Variants in OR2L13 observed in about 807,000 individuals in gnomAD.
OR2L13 encodes olfactory receptor family 2 subfamily L member 13.
Under a neutral mutation model 15.3 loss-of-function variants are expected in OR2L13, and 14 were observed. That is an observed-to-expected ratio of 0.91 (90% CI 0.60 to 1.43). The LOEUF is 1.43. OR2L13 is among the 40% of genes most tolerant of loss of function. The pLI is 0.00. For synonymous variants in OR2L13, 152 were observed against 142.9 expected (o/e 1.06, Z -0.45); for missense variants, 367 against 387.9 (o/e 0.95, Z 0.45).
At chr1:247,992,885 G>A in the OR2L13 span, among the ~76,000 whole-genome samples, 1 of 149,952 alleles carries the variant, frequency 6.7e-6, no homozygotes, top group Non-Finnish European at 1.5e-5. Context: ...GTGTGTGTGT[G>A]TATACAGAGC....
chr1:248,084,703 A>G, the OR2L13 span: 1 of 1,464,628 alleles, frequency 6.8e-7, no homozygotes, highest in Non-Finnish European at 9.2e-7. Flanking sequence ...AAAATTCACA[A>G]ATGTCATGGT....
the OR2L13 span, among the ~76,000 whole-genome samples, chr1:248,010,197 A>T: frequency 1.4e-4 from 21 of 152,194 alleles, no homozygotes; most frequent in Non-Finnish European, 2.9e-4. Flanking sequence ...AATAAAGGGT[A>T]TTCAAATAGG....
chr1:247,963,484 G>A, the OR2L13 span, among the ~76,000 whole-genome samples: 1 of 152,092 alleles, frequency 6.6e-6, no homozygotes, highest in African/African-American at 2.4e-5. Flanking sequence ...TTTGTTCCTT[G>A]TATCTTTTGA....
chr1:248,006,047 T>C, the OR2L13 span, among the ~76,000 whole-genome samples: 1 of 152,158 alleles, frequency 6.6e-6, no homozygotes, highest in Non-Finnish European at 1.5e-5. Context: ...AGATGGGCTC[T>C]GGAGCAGAGG....
chr1:248,060,678 C>A, the OR2L13 span: 3 of 1,607,242 alleles, frequency 1.9e-6, 1 homozygote, highest in South Asian at 3.3e-5. Flanking sequence ...CACACGAATG[C>A]CCCATGGAAA....
chr1:247,989,865 C>T, the OR2L13 span, among the ~76,000 whole-genome samples: 2 of 152,094 alleles, frequency 1.3e-5, no homozygotes, highest in African/African-American at 2.4e-5. Context: ...CCCAATGTTG[C>T]ATTACCGTGC....
the OR2L13 span, among the ~76,000 whole-genome samples, chr1:248,026,412 A>T: frequency 1.3e-5 from 2 of 152,224 alleles, no homozygotes; most frequent in Non-Finnish European, 2.9e-5. Context: ...ACTTTCCTGG[A>T]GAGAATCCCA....
chr1:248,061,086 G>C, the OR2L13 span: 1 of 1,613,994 alleles, frequency 6.2e-7, no homozygotes, highest in Non-Finnish European at 8.5e-7. Context: ...CCATCCGCAT[G>C]AGCAAAAGAA....
chr1:248,057,760 T>C, the OR2L13 span, among the ~76,000 whole-genome samples: 1 of 152,186 alleles, frequency 6.6e-6, no homozygotes, highest in Non-Finnish European at 1.5e-5. Context: ...TTGTTACTAT[T>C]GGAAATAAAA....
the OR2L13 span, among the ~76,000 whole-genome samples, chr1:248,021,294 T>C: frequency 1.5e-4 from 23 of 152,214 alleles, no homozygotes; most frequent in Admixed American, 1.4e-3. Flanking sequence ...ACGATTTTTT[T>C]TCTAATTTGG....
the OR2L13 span, chr1:248,051,342 C>T: frequency 6.6e-6 from 1 of 152,132 alleles, no homozygotes; most frequent in African/African-American, 2.4e-5. Context: ...GTCAAAATTT[C>T]TTCGCTTTTA....
chr1:248,007,953 T>G, the OR2L13 span, among the ~76,000 whole-genome samples: 2 of 152,116 alleles, frequency 1.3e-5, no homozygotes, highest in Non-Finnish European at 2.9e-5. Flanking sequence ...TGGTGTACCA[T>G]CCACAAATAT....
chr1:247,948,490 ACT>A, the OR2L13 span, among the ~76,000 whole-genome samples: 5 of 152,190 alleles, frequency 3.3e-5, no homozygotes, highest in African/African-American at 7.2e-5. Flanking sequence ...CAAATGTGAA[ACT>A]CTGGGTAAGA....
chr1:247,979,891 T>A, the OR2L13 span, among the ~76,000 whole-genome samples: 2 of 150,540 alleles, frequency 1.3e-5, no homozygotes, highest in Non-Finnish European at 3.0e-5. Flanking sequence ...GAAACAGTTG[T>A]GTTTGATTTT....
At chr1:248,082,779 AATTATGT>A in the OR2L13 span, among the ~76,000 whole-genome samples, 2 of 152,228 alleles carry the variant, frequency 1.3e-5, no homozygotes, top group Admixed American at 1.3e-4. Context: ...AAGGTGACTC[AATTATGT>A]ATAAGGTTGT....
At chr1:247,967,617 C>T in the OR2L13 span, among the ~76,000 whole-genome samples, 2,894 of 152,128 alleles carry the variant, frequency 0.019, 42 homozygotes, top group East Asian at 0.087. Flanking sequence ...CATTATTAAA[C>T]ATTTGATTAT....
chr1:247,963,256 G>A, the OR2L13 span, among the ~76,000 whole-genome samples: 1 of 152,152 alleles, frequency 6.6e-6, no homozygotes, highest in African/African-American at 2.4e-5. Flanking sequence ...TTCCAGGAAC[G>A]GAGGGGTCCT....
the OR2L13 span, among the ~76,000 whole-genome samples, chr1:247,956,986 A>G: frequency 0.5 from 76,287 of 151,986 alleles, 22,230 homozygotes; most frequent in Non-Finnish European, 0.64. Flanking sequence ...ACTATGTTGA[A>G]TAGGAGTGGT....
the OR2L13 span, among the ~76,000 whole-genome samples, chr1:248,087,237 G>A: frequency 6.6e-6 from 1 of 151,962 alleles, no homozygotes; most frequent in Non-Finnish European, 1.5e-5. Flanking sequence ...TCAATCATTT[G>A]ACCTAATTAA....
Sources: allele counts gnomAD v4.1 joint callset (sites outside exome capture counted in the v4.1 genomes callset), GRCh38; gene constraint gnomAD v4.1.1; transcripts MANE v1.5; gene names NCBI Gene and HGNC (gene_info 2026-07-23, HGNC 2026-07-21).